The following NTAQ1 variants were observed in gnomAD, a reference collection of about 807,000 sequenced individuals.
NTAQ1 encodes protein N-terminal glutamine amidohydrolase.
A neutral mutation model predicts 28.2 loss-of-function variants in NTAQ1; 21 were observed. That is an observed-to-expected ratio of 0.74 (90% CI 0.53 to 1.07). The LOEUF is 1.07. Ranked by LOEUF, NTAQ1 falls within the 50% of genes least tolerant of loss-of-function variation. The pLI is 0.00. For synonymous variants in NTAQ1, 105 were observed against 90.0 expected, an observed-to-expected ratio of 1.17 and a Z score of -0.94; for missense variants, 264 against 256.6, an observed-to-expected ratio of 1.03 and a Z score of -0.20.
downstream of NTAQ1, among the ~76,000 whole-genome samples, chr8:123,452,799 C>A (rs184135252): frequency 6.0e-5 from 9 of 149,606 alleles, no homozygotes; most frequent in South Asian, 6.4e-4. Flanking sequence ...CCCAGCTACT[C>A]GGGAGGCTGA....
Position 123,442,182 on chromosome 8 carries a change from A to G in NTAQ1, c.*767A>G, listed in dbSNP as rs1221051900. On this transcript the variant is annotated 3_prime_UTR_variant, in exon 6 of 6. Coordinates refer to ENST00000287387, the MANE Select transcript of NTAQ1 (RefSeq NM_018024.3). ...TTAATCATATCATTCCAAATGAAAG[A>G]TATTTGGCATTACATTGGCATATAG... 1.3e-5 allele frequency: 2 copies of G among 152,204 alleles called. No individual in the cohort carries two copies. Among genetic ancestry groups the G allele is most frequent in the African/African-American group, 2.4e-5 (1 of 41,452 alleles). 9.4% of individuals were successfully genotyped at this position (152,204 alleles called of 1,614,324 possible). A position where few individuals can be genotyped will look rare whatever the true frequency, so the allele number is the denominator to read the frequency against.
upstream of NTAQ1, chr8:123,416,770 G>C (rs1180981339): frequency 7.4e-7 from 1 of 1,351,302 alleles, no homozygotes; most frequent in Non-Finnish European, 9.7e-7. Context: ...AACCCACGCG[G>C]GCCACTACAA....
Position 123,436,497 on chromosome 8 carries a change from C to T in NTAQ1, c.279C>T (p.Asn93=). The part of the protein sequence containing the change: ...VLLHVSSGGQ[N]FIYDLDTVLP... ...TTCATGTTTCAAGTGGAGGACAGAA[C>T]TTCATTTATGATCTCGATACTGTCT... The change falls in exon 4 of 6, where the codon AAC becomes AAT. Residue 93 remains asparagine, a synonymous_variant. Coordinates refer to ENST00000287387, the MANE Select transcript of NTAQ1 (RefSeq NM_018024.3). The T allele has an allele frequency of 6.2e-7, 1 of 1,613,908 alleles. No individual in the cohort carries two copies. The highest frequency in any genetic ancestry group is 1.1e-5 in the South Asian group (1 of 91,062).
chr8:123,418,987 G>A (rs1393300922), intron 1 of NTAQ1, among the ~76,000 whole-genome samples: 2 of 152,080 alleles, frequency 1.3e-5, no homozygotes, highest in East Asian at 3.9e-4. Flanking sequence ...GGGGTTGGGG[G>A]GCAAAATCGC....
At position 123,427,959 on chromosome 8, in the gene NTAQ1, A is replaced by G. The variant is rs1814163551; in HGVS notation, c.119A>G (p.Lys40Arg). The change falls in exon 2 of 6, where the codon AAA (lysine) becomes AGA (arginine). Residue 40 changes from lysine (K) to arginine (R), a missense_variant. Transcript: ENST00000287387. ...ENIWKLCEYI[K>R]NHDQYPLEEC... ...ATTTGGAAGCTCTGTGAATACATCA[A>G]AAACCATGACCAGTATCCTTTAGAA... 1 of 1,610,984 alleles carries G rather than the reference A, an allele frequency of 6.2e-7. No individual in the cohort carries two copies.
rs1563892922 is a variant in NTAQ1 at position 123,437,348 on chromosome 8, C to T, written c.508+14C>T. The T allele has an allele frequency of 6.2e-7, 1 of 1,613,488 alleles. No individual in the cohort carries two copies. ...TTGAGACTGGAGGTGAGCCAAGATG[C>T]CTTCTCAGATGGGGGTTCTGATTGA... On this transcript the variant is annotated intron_variant, in intron 5 of 5. Transcript: ENST00000287387.
At chr8:123,436,409 C>A in intron 3 of NTAQ1, 44 bp from the exon 4 acceptor site, 1 of 1,591,164 alleles carries the variant, frequency 6.3e-7, no homozygotes, top group Non-Finnish European at 8.6e-7. Flanking sequence ...GGGATTTCAT[C>A]ATTATGAAGT....
intron 5 of NTAQ1, among the ~76,000 whole-genome samples, chr8:123,438,422 G>A (rs1814851709): frequency 6.6e-6 from 1 of 152,138 alleles, no homozygotes; most frequent in Admixed American, 6.5e-5. Flanking sequence ...TTGGGAGGCT[G>A]AGGTGGGTGG....
At chr8:123,475,656 A>C in the NTAQ1 span, among the ~76,000 whole-genome samples, 6 of 152,216 alleles carry the variant, frequency 3.9e-5, no homozygotes, top group Non-Finnish European at 5.9e-5. Context: ...GCATACTTCT[A>C]CTTATCTCCT....
downstream of NTAQ1, among the ~76,000 whole-genome samples, chr8:123,472,951 G>T (rs979832392): frequency 2.0e-5 from 3 of 152,042 alleles, no homozygotes; most frequent in African/African-American, 7.2e-5. Context: ...CTTATCCAAG[G>T]ATGCCCTGGA....
At chr8:123,432,139 G>C (rs1190851155) in intron 3 of NTAQ1, among the ~76,000 whole-genome samples, 4 of 152,172 alleles carry the variant, frequency 2.6e-5, no homozygotes, top group African/African-American at 9.7e-5. Flanking sequence ...ACACCAGTGA[G>C]TAGTAGTGAG....
At chr8:123,449,403 C>T (rs1815401803), downstream of NTAQ1, among the ~76,000 whole-genome samples, 1 of 152,076 alleles carries the variant, frequency 6.6e-6, no homozygotes, top group Non-Finnish European at 1.5e-5. Flanking sequence ...AGAAATTCTT[C>T]ATGGAGGATG....
Position 123,437,103 on chromosome 8 carries a change from C to T in NTAQ1, c.384-107C>T, listed in dbSNP as rs77603474. 3,132 of 1,416,798 alleles carry T rather than the reference C, an allele frequency of 2.2e-3. 51 individuals carry two copies. The African/African-American group carries it at 0.038, about 17-fold the overall frequency. The allele number at this position is 1,416,798 out of a possible 1,614,324, so 87.8% of individuals were successfully genotyped here. On this transcript the variant is annotated intron_variant, in intron 4 of 5. Coordinates refer to ENST00000287387, the MANE Select transcript of NTAQ1 (RefSeq NM_018024.3). ...CTGTATTACTAACCATACAGAAATG[C>T]ATGAGTAGTTTTGTGCATGTCATAG...
chr8:123,469,132 A>G (rs1332501437), exon 7 of NTAQ1, among the ~76,000 whole-genome samples: 1 of 152,110 alleles, frequency 6.6e-6, no homozygotes, highest in Non-Finnish European at 1.5e-5. Context: ...CCCTTCTCAG[A>G]TGTATTATAT....
At chr8:123,430,499 C>T (rs941380267) in intron 3 of NTAQ1, among the ~76,000 whole-genome samples, 9 of 151,892 alleles carry the variant, frequency 5.9e-5, no homozygotes, top group Admixed American at 1.3e-4. Context: ...AATATTAGGC[C>T]GGGCGCAGTG....
intron 6 of NTAQ1, among the ~76,000 whole-genome samples, chr8:123,466,079 T>G (rs1815954588): frequency 6.6e-6 from 1 of 152,092 alleles, no homozygotes; most frequent in Admixed American, 6.5e-5. Context: ...GTGGACGGGA[T>G]TGCCAGAGAA....
downstream of NTAQ1, among the ~76,000 whole-genome samples, chr8:123,445,903 C>T (rs1815261686): frequency 6.6e-6 from 1 of 151,034 alleles, no homozygotes; most frequent in Non-Finnish European, 1.5e-5. Context: ...ACCTCACCCA[C>T]CCCCAAGATG....
chr8:123,427,835 C>A, intron 1 of NTAQ1, 89 bp from the exon 2 acceptor site: 1 of 1,135,452 alleles, frequency 8.8e-7, no homozygotes, highest in Non-Finnish European at 1.3e-6. Flanking sequence ...TCTTTTCCAA[C>A]TTTTTGATGT....
At chr8:123,428,769 T>G (rs995744165) in intron 2 of NTAQ1, among the ~76,000 whole-genome samples, 2 of 151,956 alleles carry the variant, frequency 1.3e-5, no homozygotes, top group Non-Finnish European at 2.9e-5. Context: ...GGCCGGCTAA[T>G]TTTTGTATTT....
Sources: gnomAD v4.1 joint callset for allele counts (sites outside exome capture counted in the v4.1 genomes callset) on GRCh38, gnomAD v4.1.1 for gene constraint, MANE v1.5 for transcripts, NCBI Gene and HGNC (gene_info 2026-07-23, HGNC 2026-07-21) for gene names.